PTPN14: variants seen among roughly 807,000 people sequenced by gnomAD.
The protein encoded by PTPN14 is tyrosine-protein phosphatase non-receptor type 14.
Under a neutral mutation model 126.8 loss-of-function variants are expected in PTPN14, and 53 were observed. The observed-to-expected ratio is 0.42, with a 90% CI of 0.34 to 0.53. PTPN14 has a LOEUF of 0.53. Among genes scored for constraint, PTPN14 ranks in the 20% least tolerant of loss-of-function variants. PTPN14 has a pLI of 0.08. For missense variants in PTPN14, 1,257 were observed against 1,552.9 expected (o/e 0.81, Z 3.20); for synonymous variants, 630 against 599.3 (o/e 1.05, Z -0.75).
intron 1 of PTPN14, among the ~76,000 whole-genome samples, chr1:214,536,572 C>A (rs906145471): frequency 2.1e-4 from 32 of 151,812 alleles, no homozygotes; most frequent in African/African-American, 7.5e-4. Flanking sequence ...ATCACTTGAG[C>A]CCAAGAGTTC....
chr1:214,504,669 C>G (rs368542770), intron 1 of PTPN14, among the ~76,000 whole-genome samples: 1 of 152,168 alleles, frequency 6.6e-6, no homozygotes, highest in African/African-American at 2.4e-5. Flanking sequence ...AGGCACCACC[C>G]TGCTAGGCCC....
chr1:214,511,148 CT>C (rs1654964279), intron 1 of PTPN14, among the ~76,000 whole-genome samples: 1 of 152,044 alleles, frequency 6.6e-6, no homozygotes, highest in South Asian at 2.1e-4. Flanking sequence ...TTCCAAGTCA[CT>C]AGGATTACAA....
At chr1:214,481,361 T>A (rs796547225) in intron 1 of PTPN14, among the ~76,000 whole-genome samples, 11 of 150,694 alleles carry the variant, frequency 7.3e-5, no homozygotes, top group African/African-American at 2.7e-4. Context: ...ACAAAAAAAA[T>A]TTAGCTGGGC....
chr1:214,378,484 T>A (rs1017360438), intron 13 of PTPN14, among the ~76,000 whole-genome samples: 2 of 152,190 alleles, frequency 1.3e-5, no homozygotes, highest in Non-Finnish European at 2.9e-5. Context: ...AACCATCTAA[T>A]CCAATCACAG....
chr1:214,520,032 A>G (rs573421812), intron 1 of PTPN14, among the ~76,000 whole-genome samples: 2 of 139,108 alleles, frequency 1.4e-5, no homozygotes, highest in East Asian at 4.1e-4. Context: ...TGAGTGACAG[A>G]AAAAAACCCT....
chr1:214,545,447 A>T (rs1051852786), intron 1 of PTPN14, among the ~76,000 whole-genome samples: 1 of 152,084 alleles, frequency 6.6e-6, no homozygotes, highest in Admixed American at 6.6e-5. Flanking sequence ...TCTGACATTA[A>T]TCCCTTCATG....
chr1:214,447,769 TAAAG>T (rs1314127296), intron 3 of PTPN14, among the ~76,000 whole-genome samples: 1 of 152,226 alleles, frequency 6.6e-6, no homozygotes, highest in Non-Finnish European at 1.5e-5. Context: ...TTCTTTGCCA[TAAAG>T]AGTTGGTTAG....
At chr1:214,372,612 G>A (rs945979719) in intron 16 of PTPN14, 99 bp downstream of exon 16, 5 of 1,549,706 alleles carry the variant, frequency 3.2e-6, no homozygotes, top group Non-Finnish European at 4.4e-6. Context: ...CAGCACTGCA[G>A]GAAGAAGGAT....
chr1:214,383,232 C>T lies in PTPN14; in HGVS notation c.2544+79G>A. ...CCTTAAAAACCTACCACGTTCCCTG[C>T]ATAAGCCCTGCCCCTTGCTCAGTGC... On this transcript the variant is annotated intron_variant, in intron 13 of 18. Coordinates refer to ENST00000366956, the MANE Select transcript of PTPN14 (RefSeq NM_005401.5). This position sits in a 1 kb window ranked among gnomAD's most constrained non-coding sequence, Gnocchi z 4.4. 1 of 1,493,104 alleles carries T rather than the reference C, an allele frequency of 6.7e-7. No individual in the cohort carries two copies. Among genetic ancestry groups the T allele is most frequent in the Non-Finnish European group, 9.1e-7 (1 of 1,102,954 alleles). The allele number at this position is 1,493,104 out of a possible 1,614,324, so 92.5% of individuals were successfully genotyped here. A position where few individuals can be genotyped will look rare whatever the true frequency, so the allele number is the denominator to read the frequency against.
chr1:214,529,555 C>T (rs1655488000), intron 1 of PTPN14: 1 of 152,214 alleles, frequency 6.6e-6, no homozygotes, highest in Non-Finnish European at 1.5e-5. Context: ...TGGCTACCAT[C>T]CTCCTTATAA....
At chr1:214,454,579 C>T (rs769915548) in intron 2 of PTPN14, among the ~76,000 whole-genome samples, 4 of 152,090 alleles carry the variant, frequency 2.6e-5, no homozygotes, top group Non-Finnish European at 5.9e-5. Flanking sequence ...TGCACATACA[C>T]ACACTCCTGT....
chr1:214,520,065 A>AAATATATATATATATATATAT, intron 1 of PTPN14, among the ~76,000 whole-genome samples: 1 of 71,106 alleles, frequency 1.4e-5, no homozygotes, highest in African/African-American at 7.3e-5. Flanking sequence ...AAAAAAAAAA[A>AAATATATATATATATATATAT]ATATATATAT....
intron 15 of PTPN14, 39 bp downstream of exon 15, chr1:214,376,180 C>G (rs374394718): frequency 1.3e-6 from 2 of 1,573,550 alleles, no homozygotes; most frequent in Non-Finnish European, 1.7e-6. Context: ...TTTAACCCAG[C>G]CATCTTTACC....
At chr1:214,402,459 A>G (rs867195328) in intron 6 of PTPN14, among the ~76,000 whole-genome samples, 2,684 of 142,054 alleles carry the variant, frequency 0.019, 137 homozygotes, top group African/African-American at 0.067. Context: ...AAAAAAAAAA[A>G]GCCACGATGA....
At chr1:214,470,116 G>A (rs898622599) in intron 1 of PTPN14, among the ~76,000 whole-genome samples, 19 of 62,454 alleles carry the variant, frequency 3.0e-4, no homozygotes, top group Non-Finnish European at 4.9e-4. Flanking sequence ...GCGAGACTTT[G>A]ACCCTACAAA....
intron 11 of PTPN14, 88 bp from the exon 12 acceptor site, chr1:214,387,010 G>A (rs914951946): frequency 3.5e-5 from 44 of 1,249,928 alleles, no homozygotes; most frequent in Non-Finnish European, 4.4e-5. Context: ...CGGCAGTCCC[G>A]CCACGTTGTA....
At chr1:214,549,866 T>C (rs993149338) in intron 1 of PTPN14, among the ~76,000 whole-genome samples, 3 of 152,156 alleles carry the variant, frequency 2.0e-5, no homozygotes, top group African/African-American at 4.8e-5. Context: ...AACGTGCTTC[T>C]AGATTTATTT....
chr1:214,469,804 T>G (rs1207794111), intron 1 of PTPN14, among the ~76,000 whole-genome samples: 1 of 105,248 alleles, frequency 9.5e-6, no homozygotes, highest in Admixed American at 1.1e-4. Context: ...GGGATGGTGA[T>G]AGTGGGGGCG....
In PTPN14 at chr1:214,436,810, A is replaced by T. The variant is rs1659930012; in HGVS notation, c.344+14995T>A. 5.7e-4 allele frequency among the ~76,000 whole-genome samples: 8 copies of T among 14,116 alleles called. No individual in the cohort carries two copies. In the South Asian group the frequency reaches 9.3e-3, roughly 16 times the overall value. 9.3% of individuals were successfully genotyped at this position (14,116 alleles called of 152,430 possible). ...TCAAAAAAAAAAAAAAAAAAAAAAA[A>T]AAAAGGTTTGTCAGAATATTAGCTC... On this transcript the variant is annotated intron_variant, in intron 3 of 18. Coordinates refer to ENST00000366956, the MANE Select transcript of PTPN14 (RefSeq NM_005401.5).
Sources: allele counts gnomAD v4.1 joint callset (sites outside exome capture counted in the v4.1 genomes callset), GRCh38; gene constraint gnomAD v4.1.1; non-coding constraint Gnocchi (gnomAD v3.1); transcripts MANE v1.5; gene names NCBI Gene and HGNC (gene_info 2026-07-23, HGNC 2026-07-21).